CACHD1: variants seen among roughly 807,000 people sequenced by gnomAD.
CACHD1 encodes cache domain containing 1.
In CACHD1, 71 loss-of-function variants were observed where a neutral mutation model predicts 138.7. The observed-to-expected ratio is 0.51, with a 90% CI of 0.42 to 0.62. CACHD1 has a LOEUF of 0.62. Ranked by LOEUF, CACHD1 falls within the 20% of genes least tolerant of loss-of-function variation. The pLI is 0.00. For synonymous variants in CACHD1, 578 were observed against 591.5 expected, an observed-to-expected ratio of 0.98 and a Z score of 0.33; for missense variants, 1,389 against 1,625.3, an observed-to-expected ratio of 0.85 and a Z score of 2.50.
At chr1:64,483,769 T>C (rs1415320102) in intron 1 of CACHD1, among the ~76,000 whole-genome samples, 1 of 150,764 alleles carries the variant, frequency 6.6e-6, no homozygotes, top group Non-Finnish European at 1.5e-5. Flanking sequence ...TCCCTAAAGG[T>C]TCTCATCTGA....
intron 1 of CACHD1, among the ~76,000 whole-genome samples, chr1:64,477,621 ATTAT>A (rs1168828648): frequency 1.2e-4 from 16 of 129,794 alleles, no homozygotes; most frequent in African/African-American, 3.0e-4. Flanking sequence ...TATTATTATT[ATTAT>A]TTTATTTTAT....
chr1:64,470,737 G>C lies in CACHD1; in HGVS notation c.-8G>C. The C allele has an allele frequency of 1.7e-6, 1 of 598,366 alleles. No homozygotes were observed. Among genetic ancestry groups the C allele is most frequent in the Non-Finnish European group, 2.7e-6 (1 of 365,130 alleles). 37.1% of individuals were successfully genotyped at this position (598,366 alleles called of 1,614,324 possible). A position where few individuals can be genotyped will look rare whatever the true frequency, so the allele number is the denominator to read the frequency against. On this transcript the variant is annotated 5_prime_UTR_variant, in exon 1 of 27. Coordinates refer to ENST00000651257, the MANE Select transcript of CACHD1 (RefSeq NM_020925.4). The surrounding 1 kb of genome is among the most constrained non-coding windows in gnomAD (Gnocchi z 5.2). ...GGAGCCCGTCGGCGGGGAGTGGGGG[G>C]AGGCAGCATGGCCCGCCAGCCGGAG... is the stretch of plus-strand genomic sequence containing the variant.
intron 3 of CACHD1, among the ~76,000 whole-genome samples, chr1:64,601,542 C>T (rs181438910): frequency 2.1e-3 from 320 of 152,356 alleles, no homozygotes; most frequent in Non-Finnish European, 3.5e-3. Flanking sequence ...CCAGCTATCT[C>T]CTTCTTTGAG....
At chr1:64,533,310 T>G (rs1646603911) in intron 1 of CACHD1, among the ~76,000 whole-genome samples, 1 of 152,188 alleles carries the variant, frequency 6.6e-6, no homozygotes, top group East Asian at 1.9e-4. Flanking sequence ...GAGATGAGAT[T>G]GTGCCATCAC....
chr1:64,616,239 G>C (rs188354654), intron 4 of CACHD1, among the ~76,000 whole-genome samples: 1 of 152,238 alleles, frequency 6.6e-6, no homozygotes, highest in Admixed American at 6.5e-5. Flanking sequence ...CTAATCTTGA[G>C]ACCCAGAATA....
intron 4 of CACHD1, among the ~76,000 whole-genome samples, chr1:64,606,492 G>A (rs533854003): frequency 3.9e-4 from 60 of 152,214 alleles, no homozygotes; most frequent in African/African-American, 1.4e-3. Flanking sequence ...TCGGGGGCCA[G>A]GTCACCAAGA....
At chr1:64,592,265 A>G (rs551688800) in intron 3 of CACHD1, among the ~76,000 whole-genome samples, 62 of 152,212 alleles carry the variant, frequency 4.1e-4, no homozygotes, top group South Asian at 6.2e-4. Context: ...ACATACATGT[A>G]TATCATTTTC....
intron 2 of CACHD1, among the ~76,000 whole-genome samples, chr1:64,555,545 C>T (rs182027742): frequency 1.7e-3 from 257 of 152,164 alleles, no homozygotes; most frequent in Admixed American, 5.5e-3. Flanking sequence ...CTTAGCCTCC[C>T]GAGGAGCCGG....
chr1:64,579,094 T>TA (rs1570385870), intron 2 of CACHD1, among the ~76,000 whole-genome samples: 1 of 152,224 alleles, frequency 6.6e-6, no homozygotes, highest in African/African-American at 2.4e-5. Flanking sequence ...CTCTTGCAGC[T>TA]ACTTAATCTG....
At chr1:64,474,419 G>C (rs533836266) in intron 1 of CACHD1, among the ~76,000 whole-genome samples, 1 of 152,208 alleles carries the variant, frequency 6.6e-6, no homozygotes, top group African/African-American at 2.4e-5. Context: ...GATTTTATCT[G>C]TAAAATTGAG....
intron 1 of CACHD1, among the ~76,000 whole-genome samples, chr1:64,543,199 A>G (rs1646690526): frequency 6.6e-6 from 1 of 151,554 alleles, no homozygotes; most frequent in African/African-American, 2.4e-5. Context: ...AACCTTTTCC[A>G]TACTCTTGGC....
intron 13 of CACHD1, among the ~76,000 whole-genome samples, chr1:64,662,657 T>C (rs1649481061): frequency 6.6e-6 from 1 of 152,234 alleles, no homozygotes; most frequent in South Asian, 2.1e-4. Context: ...CTTTTAAAAA[T>C]ACTATAAGGT....
chr1:64,648,724 C>T (rs1409220044), intron 9 of CACHD1, among the ~76,000 whole-genome samples: 1 of 152,076 alleles, frequency 6.6e-6, no homozygotes, highest in Non-Finnish European at 1.5e-5. Context: ...CTAAGTTACC[C>T]ATAACAGGAT....
intron 1 of CACHD1, among the ~76,000 whole-genome samples, chr1:64,544,360 T>C (rs759076708): frequency 2.0e-5 from 3 of 152,210 alleles, no homozygotes; most frequent in Non-Finnish European, 2.9e-5. Flanking sequence ...GAGTTGTTGG[T>C]GGCGTGAAGG....
chr1:64,615,006 C>G (rs1267655683), intron 4 of CACHD1, among the ~76,000 whole-genome samples: 1 of 152,152 alleles, frequency 6.6e-6, no homozygotes, highest in Non-Finnish European at 1.5e-5. Context: ...AGACCCTGCA[C>G]CCCCATCTTC....
chr1:64,623,561 G>A (rs939293956), intron 4 of CACHD1, among the ~76,000 whole-genome samples: 1 of 152,114 alleles, frequency 6.6e-6, no homozygotes, highest in African/African-American at 2.4e-5. Flanking sequence ...CTCTGCTTTA[G>A]GATACAGAGA....
intron 9 of CACHD1, among the ~76,000 whole-genome samples, chr1:64,650,239 T>C (rs1277370266): frequency 6.6e-6 from 1 of 152,174 alleles, no homozygotes; most frequent in Admixed American, 6.5e-5. Context: ...CAGAGGAGAA[T>C]AGAAATTTGA....
At chr1:64,541,303 T>C (rs1334340129) in intron 1 of CACHD1, among the ~76,000 whole-genome samples, 1 of 152,242 alleles carries the variant, frequency 6.6e-6, no homozygotes, top group African/African-American at 2.4e-5. Context: ...ACAATAAGGT[T>C]AGGACCTAGA....
chr1:64,537,590 T>C (rs1487931849), intron 1 of CACHD1, among the ~76,000 whole-genome samples: 2 of 152,120 alleles, frequency 1.3e-5, no homozygotes, highest in African/African-American at 4.8e-5. Flanking sequence ...TTCCTGAAAA[T>C]GTATAGCTTT....
Sources: allele counts gnomAD v4.1 joint callset (sites outside exome capture counted in the v4.1 genomes callset), GRCh38; gene constraint gnomAD v4.1.1; non-coding constraint Gnocchi (gnomAD v3.1); transcripts MANE v1.5; gene names NCBI Gene and HGNC (gene_info 2026-07-23, HGNC 2026-07-21).